RIMBP2: variants seen among roughly 807,000 people sequenced by gnomAD.
RIMBP2 encodes RIMS-binding protein 2.
RIMBP2 carries 48 observed loss-of-function variants against 118.6 expected under a neutral mutation model. The ratio of observed to expected loss-of-function variants is 0.40; its 90% CI spans 0.32 to 0.51. The LOEUF (loss-of-function observed/expected upper bound fraction) is 0.51. RIMBP2 is among the 20% of genes least tolerant of loss of function. The pLI is 0.41. For synonymous variants in RIMBP2, 762 were observed against 742.9 expected (o/e 1.03, Z -0.42); for missense variants, 1,551 against 1,768.3 (o/e 0.88, Z 2.20).
intron 2 of RIMBP2, among the ~76,000 whole-genome samples, chr12:130,627,166 A>G (rs2061694217): frequency 6.6e-6 from 1 of 152,128 alleles, no homozygotes; most frequent in Non-Finnish European, 1.5e-5. Flanking sequence ...CATCATCACC[A>G]TCTCCTCCAC....
rs576200577 is a variant in RIMBP2 at position 130,628,400 on chromosome 12, C to G, written c.-295G>C. 6.6e-6 allele frequency: 1 copy of G among 152,336 alleles called. No homozygotes were observed. Among genetic ancestry groups the G allele is most frequent in the African/African-American group, 2.4e-5 (1 of 41,582 alleles). 9.4% of individuals were successfully genotyped at this position (152,336 alleles called of 1,614,324 possible). On this transcript the variant is annotated 5_prime_UTR_variant, in exon 2 of 23. Transcript: ENST00000690449. ...CCCAGCGGTCTCCCAAAGCTTGGGT[C>G]TGATCGAATGTGGCCTCAGCACCTG...
In RIMBP2 at chr12:130,456,530, C is replaced by G; in HGVS notation, c.324G>C (p.Gln108His). 8.1e-6 allele frequency: 13 copies of G among 1,605,616 alleles called. No individual in the cohort carries two copies. The highest frequency in any genetic ancestry group is 1.1e-5 in the Non-Finnish European group (13 of 1,173,546). Residue 108 changes from glutamine to histidine, a missense_variant, in exon 7 of 23, where the codon CAG (glutamine) becomes CAC (histidine). Coordinates refer to ENST00000690449, the MANE Select transcript of RIMBP2 (RefSeq NM_001393629.1). ...GGGAGGTGGCTAGGCCATTCATGAACTGTGGGAAAGGCTTGCTGGGGGCCG... is the reference window on the plus strand; with the variant it reads ...GGGAGGTGGCTAGGCCATTCATGAAGTGTGGGAAAGGCTTGCTGGGGGCCG... ...ISTAPSKPFP[Q>H]FMNGLATSLG...
intron 2 of RIMBP2, among the ~76,000 whole-genome samples, chr12:130,607,433 G>A (rs2060256724): frequency 1.3e-5 from 2 of 152,006 alleles, no homozygotes; most frequent in Admixed American, 1.3e-4. Flanking sequence ...CCTTGAATTT[G>A]CCACACAGTG....
chr12:130,474,408 C>T (rs1312829559), intron 5 of RIMBP2, among the ~76,000 whole-genome samples: 3 of 152,222 alleles, frequency 2.0e-5, no homozygotes, highest in African/African-American at 7.2e-5. Flanking sequence ...CCCTTGAGCA[C>T]CTCCGCCCAT....
intron 2 of RIMBP2, among the ~76,000 whole-genome samples, chr12:130,567,388 A>C (rs890871846): frequency 5.9e-5 from 9 of 152,308 alleles, no homozygotes; most frequent in African/African-American, 2.2e-4. Context: ...TGTTCTGAAA[A>C]ATGCGAGTTC....
At chr12:130,645,576 A>G (rs1024708287) in intron 1 of RIMBP2, among the ~76,000 whole-genome samples, 5 of 152,338 alleles carry the variant, frequency 3.3e-5, no homozygotes, top group African/African-American at 1.2e-4. Context: ...GGAGAAAGTC[A>G]TGCCCTCTCC....
intron 3 of RIMBP2, among the ~76,000 whole-genome samples, chr12:130,516,232 G>T (rs58434615): frequency 0.035 from 5,343 of 152,248 alleles, 336 homozygotes; most frequent in African/African-American, 0.12. Context: ...GTCAAATCAA[G>T]ACAACTCTAA....
chr12:130,563,432 T>C (rs1035486510), intron 2 of RIMBP2, among the ~76,000 whole-genome samples: 2 of 152,222 alleles, frequency 1.3e-5, no homozygotes, highest in Non-Finnish European at 2.9e-5. Context: ...GTTGAATTTC[T>C]AGATCAAAGG....
At chr12:130,456,384 C>T (rs1050953142) in intron 7 of RIMBP2, 112 bp downstream of exon 7, 1 of 879,530 alleles carries the variant, frequency 1.1e-6, no homozygotes, top group Non-Finnish European at 1.7e-6. Flanking sequence ...TGGCGGGTCC[C>T]TGTACCCTCT....
chr12:130,524,647 A>G (rs1353895903), intron 2 of RIMBP2, among the ~76,000 whole-genome samples: 1 of 152,218 alleles, frequency 6.6e-6, no homozygotes, highest in Non-Finnish European at 1.5e-5. Context: ...ATAGAAAAAT[A>G]ATATCTGCAC....
chr12:130,634,657 T>C (rs2062232859), intron 1 of RIMBP2, among the ~76,000 whole-genome samples: 1 of 152,020 alleles, frequency 6.6e-6, no homozygotes, highest in Non-Finnish European at 1.5e-5. Context: ...AGTGGCGTGA[T>C]CTCAGCTCAC....
chr12:130,477,246 C>T (rs536692446), intron 5 of RIMBP2, among the ~76,000 whole-genome samples: 15 of 152,272 alleles, frequency 9.9e-5, no homozygotes, highest in African/African-American at 3.6e-4. Flanking sequence ...GGTCATTCTC[C>T]TTGGCATCAA....
chr12:130,436,176 T>C (rs1370563139), intron 13 of RIMBP2, among the ~76,000 whole-genome samples: 1 of 152,216 alleles, frequency 6.6e-6, no homozygotes, highest in African/African-American at 2.4e-5. Flanking sequence ...GGCATTGCTC[T>C]GCAGGTGATT....
At chr12:130,669,466 C>G (rs904181284) in intron 1 of RIMBP2, among the ~76,000 whole-genome samples, 1 of 152,094 alleles carries the variant, frequency 6.6e-6, no homozygotes, top group Non-Finnish European at 1.5e-5. Flanking sequence ...GGGGCGGTTT[C>G]CCCGTGCTGT....
chr12:130,691,497 C>G (rs2065303907), intron 1 of RIMBP2, among the ~76,000 whole-genome samples: 1 of 152,106 alleles, frequency 6.6e-6, no homozygotes, highest in Non-Finnish European at 1.5e-5. Context: ...CAGTGAGGCC[C>G]CATCTCTCCA....
intron 11 of RIMBP2, among the ~76,000 whole-genome samples, chr12:130,439,257 CATGTGT>C (rs996967874): frequency 3.3e-5 from 5 of 151,116 alleles, no homozygotes; most frequent in African/African-American, 1.2e-4. Flanking sequence ...TGTATATGTA[CATGTGT>C]ATGTGTGTAT....
At chr12:130,443,380 G>A (rs144415723) in intron 10 of RIMBP2, among the ~76,000 whole-genome samples, 55 of 152,260 alleles carry the variant, frequency 3.6e-4, no homozygotes, top group African/African-American at 1.2e-3. Flanking sequence ...AACAGCAGAC[G>A]GCCAGAAAAC....
chr12:130,586,129 A>C (rs1025837014), intron 2 of RIMBP2, among the ~76,000 whole-genome samples: 1 of 152,240 alleles, frequency 6.6e-6, no homozygotes, highest in African/African-American at 2.4e-5. Flanking sequence ...AATGTATTTC[A>C]TAGCTTTGTC....
intron 2 of RIMBP2, among the ~76,000 whole-genome samples, chr12:130,607,946 G>A (rs909862253): frequency 3.9e-5 from 6 of 152,150 alleles, no homozygotes; most frequent in Non-Finnish European, 8.8e-5. Context: ...AGGGCCAGGC[G>A]CAGAAGGTAG....
Sources: gnomAD v4.1 joint callset for allele counts (sites outside exome capture counted in the v4.1 genomes callset) on GRCh38, gnomAD v4.1.1 for gene constraint, MANE v1.5 for transcripts, NCBI Gene and HGNC (gene_info 2026-07-23, HGNC 2026-07-21) for gene names.